The following MBD5 variants were observed in gnomAD, a reference collection of about 807,000 sequenced individuals.
MBD5 encodes methyl-CpG-binding domain protein 5.
In MBD5, 13 loss-of-function variants were observed where a neutral mutation model predicts 117.3. That is an observed-to-expected ratio of 0.11 (90% CI 0.07 to 0.18). The LOEUF (loss-of-function observed/expected upper bound fraction) is 0.18, where lower values mean the gene tolerates loss of function less well. MBD5 is among the 10% of genes least tolerant of loss of function. The pLI is 1.00. For missense variants in MBD5, 1,879 were observed against 2,093.8 expected (o/e 0.90, Z 2.00); for synonymous variants, 727 against 766.4 (o/e 0.95, Z 0.85).
intron 4 of MBD5, among the ~76,000 whole-genome samples, chr2:148,384,977 G>T (rs1451513648): frequency 6.6e-6 from 1 of 152,048 alleles, no homozygotes; most frequent in Non-Finnish European, 1.5e-5. Context: ...TGGATTAAAG[G>T]CTTACATGTT....
intron 3 of MBD5, among the ~76,000 whole-genome samples, chr2:148,299,284 C>T (rs1300083026): frequency 6.6e-6 from 1 of 152,074 alleles, no homozygotes; most frequent in African/African-American, 2.4e-5. Context: ...TGCACCACCA[C>T]ACCCGGCTAA....
intron 4 of MBD5, among the ~76,000 whole-genome samples, chr2:148,432,105 T>C (rs1470067987): frequency 6.6e-6 from 1 of 152,184 alleles, no homozygotes; most frequent in Non-Finnish European, 1.5e-5. Context: ...GGTTTTGATT[T>C]GCATTTCTCT....
chr2:148,262,129 G>A (rs987702759), intron 3 of MBD5, among the ~76,000 whole-genome samples: 1 of 151,868 alleles, frequency 6.6e-6, no homozygotes, highest in Non-Finnish European at 1.5e-5. Flanking sequence ...ATGTGACACA[G>A]AGACATGAAG....
At chr2:148,323,294 T>C (rs1469268886) in intron 3 of MBD5, among the ~76,000 whole-genome samples, 1 of 152,186 alleles carries the variant, frequency 6.6e-6, no homozygotes, top group Non-Finnish European at 1.5e-5. Context: ...TGAATAATGC[T>C]GCAATAAACA....
Position 148,516,440 on chromosome 2 carries a change from A to G in MBD5, c.*3499A>G, listed in dbSNP as rs1010150289. The stretch of plus-strand genomic sequence containing the variant: ...AAGACTCAAGACTTTTCAATGTAGT[A>G]TATCAAATGAGTTGTGCATTGATTC... On this transcript the variant is annotated 3_prime_UTR_variant, in exon 14 of 14. Transcript: ENST00000642680. 2 of 152,222 alleles carry G rather than the reference A, an allele frequency of 1.3e-5. No homozygotes were observed. Among genetic ancestry groups the G allele is most frequent in the Admixed American group, 6.5e-5 (1 of 15,288 alleles). 9.4% of individuals were successfully genotyped at this position (152,222 alleles called of 1,614,324 possible). A position where few individuals can be genotyped will look rare whatever the true frequency, so the allele number is the denominator to read the frequency against.
intron 1 of MBD5, among the ~76,000 whole-genome samples, chr2:148,074,062 T>C (rs1343372995): frequency 2.0e-5 from 3 of 152,114 alleles, no homozygotes; most frequent in Admixed American, 1.3e-4. Flanking sequence ...TATAAAGATA[T>C]CAATAAAACT....
At chr2:148,188,496 G>T (rs550967322) in intron 2 of MBD5, among the ~76,000 whole-genome samples, 2 of 151,960 alleles carry the variant, frequency 1.3e-5, no homozygotes, top group African/African-American at 4.8e-5. Flanking sequence ...GACCAGCCTG[G>T]GCAACATAAT....
chr2:148,214,885 GATT>G (rs1335652226), intron 2 of MBD5, among the ~76,000 whole-genome samples: 1 of 152,246 alleles, frequency 6.6e-6, no homozygotes. Context: ...CATCCTGACA[GATT>G]ATTAAGAAGT....
At chr2:148,447,127 A>G (rs919448163) in intron 4 of MBD5, among the ~76,000 whole-genome samples, 5 of 138,438 alleles carry the variant, frequency 3.6e-5, no homozygotes, top group African/African-American at 1.0e-4. Context: ...AAGAAAGAAA[A>G]AGAAAGAGAG....
intron 2 of MBD5, among the ~76,000 whole-genome samples, chr2:148,223,024 C>G (rs1488580891): frequency 6.6e-6 from 1 of 152,012 alleles, no homozygotes; most frequent in Admixed American, 6.6e-5. Flanking sequence ...TTGAAATGAT[C>G]ATATGGTTTT....
At chr2:148,039,076 A>G (rs1694283536) in intron 1 of MBD5, among the ~76,000 whole-genome samples, 1 of 152,100 alleles carries the variant, frequency 6.6e-6, no homozygotes, top group South Asian at 2.1e-4. Context: ...AATAGCTGAG[A>G]GCTGAAAACA....
chr2:148,294,628 G>A (rs1399857399), intron 3 of MBD5, among the ~76,000 whole-genome samples: 2 of 150,600 alleles, frequency 1.3e-5, no homozygotes, highest in Non-Finnish European at 3.0e-5. Flanking sequence ...TCAGCCTCCC[G>A]AGTAGCTGAT....
intron 3 of MBD5, chr2:148,264,408 A>G (rs1473142154): frequency 6.6e-6 from 1 of 152,188 alleles, no homozygotes; most frequent in African/African-American, 2.4e-5. Flanking sequence ...GTCACACACA[A>G]CTAGCAATTA....
intron 3 of MBD5, among the ~76,000 whole-genome samples, chr2:148,282,213 C>G (rs1701265108): frequency 6.6e-6 from 1 of 152,152 alleles, no homozygotes; most frequent in African/African-American, 2.4e-5. Context: ...CCTGTCAAAA[C>G]AGTTTGCACA....
At chr2:148,097,690 A>G (rs368654080) in intron 1 of MBD5, among the ~76,000 whole-genome samples, 1 of 152,190 alleles carries the variant, frequency 6.6e-6, no homozygotes, top group African/African-American at 2.4e-5. Context: ...AGCCTGGGCA[A>G]TGTAGACGAG....
At chr2:148,149,019 A>T (rs899952789) in intron 1 of MBD5, among the ~76,000 whole-genome samples, 1 of 152,142 alleles carries the variant, frequency 6.6e-6, no homozygotes, top group African/African-American at 2.4e-5. Context: ...TACATGTGCC[A>T]TGCTGGTGCA....
intron 1 of MBD5, among the ~76,000 whole-genome samples, chr2:148,150,373 G>A (rs1409453415): frequency 6.6e-6 from 1 of 151,464 alleles, no homozygotes; most frequent in African/African-American, 2.4e-5. Context: ...GTCAGGTAGT[G>A]TGATGCCTCC....
chr2:148,379,852 T>A (rs57306640), intron 4 of MBD5, among the ~76,000 whole-genome samples: 4,756 of 152,076 alleles, frequency 0.031, 121 homozygotes, highest in African/African-American at 0.064. Context: ...AGGGAGGAAA[T>A]GAAATAAACA....
At chr2:148,364,917 A>T (rs1043945383) in intron 4 of MBD5, among the ~76,000 whole-genome samples, 1 of 152,040 alleles carries the variant, frequency 6.6e-6, no homozygotes, top group Non-Finnish European at 1.5e-5. Context: ...CCAAATGTCA[A>T]TATTAGGTCA....
Sources: allele counts gnomAD v4.1 joint callset (sites outside exome capture counted in the v4.1 genomes callset), GRCh38; gene constraint gnomAD v4.1.1; transcripts MANE v1.5; gene names NCBI Gene and HGNC (gene_info 2026-07-23, HGNC 2026-07-21).